The following ACCSL variants were observed in gnomAD, a reference collection of about 807,000 sequenced individuals.
ACCSL encodes the protein 1-aminocyclopropane-1-carboxylate synthase homolog (inactive) like.
A neutral mutation model predicts 61.7 loss-of-function variants in ACCSL; 55 were observed. The observed-to-expected ratio is 0.89, with a 90% CI of 0.72 to 1.12. The LOEUF is 1.12. Ranked by LOEUF, ACCSL falls within the 50% of genes most tolerant of loss-of-function variation. ACCSL has a pLI of 0.00. For synonymous variants in ACCSL, 258 were observed against 264.3 expected (o/e 0.98, Z 0.23); for missense variants, 632 against 698.0 (o/e 0.91, Z 1.07).
chr11:44,034,917 A>G, the ACCSL span, among the ~76,000 whole-genome samples: 2 of 152,330 alleles, frequency 1.3e-5, no homozygotes, highest in South Asian at 2.1e-4. Flanking sequence ...GAGCACCTGT[A>G]TTATCTTCCC....
chr11:44,015,570 G>A, the ACCSL span, among the ~76,000 whole-genome samples: 3 of 152,322 alleles, frequency 2.0e-5, no homozygotes, highest in South Asian at 6.2e-4. Context: ...CTCCTTGAGT[G>A]GGGAGCAGAA....
In ACCSL at chr11:44,050,158, T is replaced by C. The variant is rs1280180506; in HGVS notation, c.564+37T>C. The C allele has an allele frequency of 1.9e-6, 3 of 1,568,666 alleles. No homozygotes were observed. The South Asian group carries it at 3.3e-5, about 17-fold the overall frequency. The stretch of plus-strand genomic sequence containing the variant: ...CTGGGCTGTGTTGGGACCCACCCCT[T>C]CAAGGCTTAGTCCCCCTAGCGTGCT... On this transcript the variant is annotated intron_variant, in intron 2 of 13. Coordinates refer to ENST00000378832, the MANE Select transcript of ACCSL (RefSeq NM_001031854.2).
chr11:44,052,360 G>A (rs972904391), intron 5 of ACCSL, among the ~76,000 whole-genome samples: 2 of 152,186 alleles, frequency 1.3e-5, no homozygotes, highest in Non-Finnish European at 2.9e-5. Context: ...GATAACCATT[G>A]CTCCATCTGC....
At chr11:44,033,236 T>C in the ACCSL span, among the ~76,000 whole-genome samples, 1 of 152,108 alleles carries the variant, frequency 6.6e-6, no homozygotes, top group Non-Finnish European at 1.5e-5. Context: ...AGCCCAGAGA[T>C]GCTTAGTAAC....
the ACCSL span, among the ~76,000 whole-genome samples, chr11:44,028,704 A>C: frequency 3.9e-5 from 6 of 152,182 alleles, no homozygotes; most frequent in Non-Finnish European, 7.4e-5. Flanking sequence ...GCCTTGCCCA[A>C]GGGACTTAGC....
At chr11:43,968,304 A>G in the ACCSL span, among the ~76,000 whole-genome samples, 1 of 152,036 alleles carries the variant, frequency 6.6e-6, no homozygotes, top group Non-Finnish European at 1.5e-5. Context: ...CTGACTCACT[A>G]TTCAGCATCC....
the ACCSL span, among the ~76,000 whole-genome samples, chr11:43,923,714 G>A: frequency 3.3e-5 from 5 of 152,360 alleles, no homozygotes; most frequent in East Asian, 9.6e-4. Flanking sequence ...CCCAGCCTGT[G>A]AATAGAGCCC....
chr11:44,051,087 C>T lies in ACCSL; in HGVS notation c.636-248C>T, dbSNP rs550969839. 9.2e-5 allele frequency among the ~76,000 whole-genome samples: 14 copies of T among 152,264 alleles called. No individual in the cohort carries two copies. In the South Asian group the frequency reaches 1.2e-3, roughly 14 times the overall value. ...TGATCTCCTGACCTTGTGATCCACC[C>T]GCCTTGGCCTCCCAAAGTGCTGGGA... On this transcript the variant is annotated intron_variant, in intron 3 of 13. Coordinates refer to ENST00000378832, the MANE Select transcript of ACCSL (RefSeq NM_001031854.2).
intron 1 of ACCSL, among the ~76,000 whole-genome samples, chr11:44,049,199 C>T (rs556532688): frequency 8.5e-5 from 13 of 152,086 alleles, no homozygotes; most frequent in South Asian, 2.1e-4. Context: ...GTTGGTGGAT[C>T]GCTCAAGTCC....
the ACCSL span, among the ~76,000 whole-genome samples, chr11:44,008,350 G>A: frequency 1.3e-5 from 2 of 152,334 alleles, no homozygotes; most frequent in East Asian, 1.9e-4. Context: ...TGTGGGCAGC[G>A]TGGTCCGGGG....
the ACCSL span, among the ~76,000 whole-genome samples, chr11:44,025,234 C>G: frequency 6.6e-6 from 1 of 151,972 alleles, no homozygotes; most frequent in Non-Finnish European, 1.5e-5. Flanking sequence ...ATGTCTTTTT[C>G]TCTATGTATT....
the ACCSL span, among the ~76,000 whole-genome samples, chr11:43,971,071 G>A: frequency 2.6e-5 from 4 of 152,218 alleles, no homozygotes; most frequent in Middle Eastern, 3.4e-3. Context: ...AGTGGCTCAC[G>A]TCTGTAATTT....
intron 11 of ACCSL, 63 bp from the exon 12 acceptor site, chr11:44,058,253 GA>G: frequency 3.2e-6 from 5 of 1,558,702 alleles, no homozygotes; most frequent in Non-Finnish European, 4.4e-6. Context: ...GAGCATTTGG[GA>G]AGGAACTCTC....
the ACCSL span, among the ~76,000 whole-genome samples, chr11:43,997,424 A>G: frequency 1.3e-5 from 2 of 152,008 alleles, no homozygotes; most frequent in East Asian, 3.9e-4. Flanking sequence ...AGTTTTTCCC[A>G]TGTGTTGGCT....
At chr11:43,949,512 A>G in the ACCSL span, among the ~76,000 whole-genome samples, 2 of 152,164 alleles carry the variant, frequency 1.3e-5, no homozygotes, top group Non-Finnish European at 2.9e-5. Flanking sequence ...GATAGCTACA[A>G]AGATTAAAAA....
chr11:44,012,032 A>G, the ACCSL span, among the ~76,000 whole-genome samples: 1 of 152,142 alleles, frequency 6.6e-6, no homozygotes, highest in Admixed American at 6.5e-5. Flanking sequence ...GTGGGAGGAA[A>G]GAGAAGAACC....
At chr11:43,984,051 A>T in the ACCSL span, among the ~76,000 whole-genome samples, 1 of 152,072 alleles carries the variant, frequency 6.6e-6, no homozygotes, top group South Asian at 2.1e-4. Context: ...TGGGAGGCAG[A>T]GGTTGCAGTG....
At position 44,050,905 on chromosome 11, in the gene ACCSL, T is replaced by G. The variant is rs546223054; in HGVS notation, c.635+283T>G. 4.0e-5 allele frequency among the ~76,000 whole-genome samples: 6 copies of G among 150,306 alleles called. No individual in the cohort carries two copies. In the East Asian group the frequency reaches 1.2e-3, roughly 30 times the overall value. On this transcript the variant is annotated intron_variant, in intron 3 of 13. Transcript: ENST00000378832. Reference sequence around the variant, plus strand: ...CACCCAGACTGGAGTGCAGTGGTGCTATCTCAGCTCACTGCAGGCTCTGCC... The same window carrying G: ...CACCCAGACTGGAGTGCAGTGGTGCGATCTCAGCTCACTGCAGGCTCTGCC...
At chr11:43,937,355 C>A in the ACCSL span, among the ~76,000 whole-genome samples, 66 of 152,268 alleles carry the variant, frequency 4.3e-4, no homozygotes, top group African/African-American at 1.6e-3. Flanking sequence ...TGAGGGGCAG[C>A]CGTCAGTAGG....
Sources: gnomAD v4.1 joint callset for allele counts (sites outside exome capture counted in the v4.1 genomes callset) on GRCh38, gnomAD v4.1.1 for gene constraint, MANE v1.5 for transcripts, NCBI Gene and HGNC (gene_info 2026-07-23, HGNC 2026-07-21) for gene names.